Variants in ROBO1 observed in about 807,000 individuals in gnomAD.
The protein encoded by ROBO1 is roundabout guidance receptor 1, also known as roundabout homolog 1.
ROBO1 carries 149 observed loss-of-function variants against 195.9 expected under a neutral mutation model. The ratio of observed to expected loss-of-function variants is 0.76; its 90% CI spans 0.67 to 0.87. The LOEUF is 0.87. Among genes scored for constraint, ROBO1 ranks in the 40% least tolerant of loss-of-function variants. ROBO1 has a pLI of 0.00. For synonymous variants in ROBO1, 816 were observed against 733.2 expected (o/e 1.11, Z -1.82); for missense variants, 1,933 against 2,068.3 (o/e 0.93, Z 1.27).
intron 10 of ROBO1, among the ~76,000 whole-genome samples, chr3:78,682,662 T>C (rs1168283063): frequency 6.8e-6 from 1 of 147,568 alleles, no homozygotes; most frequent in African/African-American, 2.5e-5. Context: ...ACTGTGTATA[T>C]ATACGTATAT....
At chr3:79,387,185 G>A (rs1369159222) in intron 2 of ROBO1, among the ~76,000 whole-genome samples, 2 of 152,064 alleles carry the variant, frequency 1.3e-5, no homozygotes, top group African/African-American at 4.8e-5. Flanking sequence ...AAAATGGCAT[G>A]TGCATGAAAA....
At chr3:78,770,253 T>C (rs980814385) in intron 4 of ROBO1, among the ~76,000 whole-genome samples, 1 of 152,184 alleles carries the variant, frequency 6.6e-6, no homozygotes, top group African/African-American at 2.4e-5. Context: ...CCCAGACTTC[T>C]AGTATTTCCT....
At chr3:79,604,443 T>C (rs1049966587) in intron 1 of ROBO1, among the ~76,000 whole-genome samples, 65 of 152,216 alleles carry the variant, frequency 4.3e-4, no homozygotes, top group Admixed American at 3.9e-3. Context: ...ATTTTAGTAA[T>C]TACAGGATCA....
chr3:79,074,602 A>ATTG lies in ROBO1; in HGVS notation c.172+50853_172+50854insCAA, dbSNP rs1360049261. 4.0e-5 allele frequency among the ~76,000 whole-genome samples: 6 copies of ATTG among 151,202 alleles called. No homozygotes were observed. In the Admixed American group the frequency reaches 4.0e-4, roughly 10 times the overall value. On this transcript the variant is annotated intron_variant, in intron 3 of 30. Transcript: ENST00000464233. ...TCAGCTCATTATTATTATTATTATT[A>ATTG]TTATATTGAAGAGACAGGGTCTCCC...
At chr3:79,338,384 C>T (rs2034769447) in intron 2 of ROBO1, among the ~76,000 whole-genome samples, 1 of 152,110 alleles carries the variant, frequency 6.6e-6, no homozygotes, top group Non-Finnish European at 1.5e-5. Flanking sequence ...TGCCTATTTG[C>T]CCACTGAATG....
rs145306872 is a variant in ROBO1 at position 79,016,346 on chromosome 3, A to C, written c.173-77419T>G. On this transcript the variant is annotated intron_variant, in intron 3 of 30. Transcript: ENST00000464233. Reference sequence around the variant, plus strand: ...TTAGAAAGAAGCTTTTGTCCTGAAAAGTGGCAAAGCAGATAGGCACACCTA... The same window carrying C: ...TTAGAAAGAAGCTTTTGTCCTGAAACGTGGCAAAGCAGATAGGCACACCTA... Among the ~76,000 whole-genome samples the C allele has an allele frequency of 1.3e-3, 200 of 152,314 alleles. 1 individual carries two copies. The highest frequency in any genetic ancestry group is 4.6e-3 in the African/African-American group (190 of 41,564).
At chr3:78,718,030 T>G (rs2081946273) in intron 5 of ROBO1, 147 bp from the exon 6 acceptor site, 1 of 745,764 alleles carries the variant, frequency 1.3e-6, no homozygotes, top group African/African-American at 1.8e-5. Flanking sequence ...TTTGCTATTT[T>G]TAGGTAGTAC....
At chr3:79,022,418 A>G (rs1400768367) in intron 3 of ROBO1, among the ~76,000 whole-genome samples, 1 of 152,226 alleles carries the variant, frequency 6.6e-6, no homozygotes, top group Non-Finnish European at 1.5e-5. Flanking sequence ...AGTGCCATTC[A>G]GGTTAAATGA....
At chr3:79,229,100 G>A (rs2082276709) in intron 2 of ROBO1, among the ~76,000 whole-genome samples, 2 of 152,030 alleles carry the variant, frequency 1.3e-5, no homozygotes, top group South Asian at 4.1e-4. Context: ...TATATTCTGT[G>A]CAAAAAGTTA....
At chr3:78,994,464 A>G (rs2077313240) in intron 3 of ROBO1, among the ~76,000 whole-genome samples, 1 of 152,182 alleles carries the variant, frequency 6.6e-6, no homozygotes, top group Non-Finnish European at 1.5e-5. Flanking sequence ...TGTTGATGCC[A>G]TTTGTTAGGA....
intron 2 of ROBO1, among the ~76,000 whole-genome samples, chr3:79,580,456 T>G (rs930240150): frequency 6.6e-6 from 1 of 152,030 alleles, no homozygotes; most frequent in Non-Finnish European, 1.5e-5. Context: ...CACTCCAGCC[T>G]GGGCAACAGA....
intron 3 of ROBO1, among the ~76,000 whole-genome samples, chr3:79,005,256 G>A (rs12639099): frequency 1.3e-5 from 2 of 152,110 alleles, no homozygotes; most frequent in Non-Finnish European, 2.9e-5. Flanking sequence ...CCACTCAGAC[G>A]TTATTCCCTT....
intron 3 of ROBO1, among the ~76,000 whole-genome samples, chr3:79,063,848 A>T (rs1438730492): frequency 1.3e-5 from 2 of 152,002 alleles, no homozygotes; most frequent in African/African-American, 4.8e-5. Flanking sequence ...ACAAAAAGAC[A>T]GACATCACTT....
intron 2 of ROBO1, among the ~76,000 whole-genome samples, chr3:79,402,331 T>C (rs770503734): frequency 7.2e-5 from 11 of 151,944 alleles, no homozygotes; most frequent in Non-Finnish European, 1.0e-4. Flanking sequence ...CATATCATCA[T>C]TCTTTCATTG....
intron 2 of ROBO1, among the ~76,000 whole-genome samples, chr3:79,485,100 T>C (rs777333514): frequency 6.6e-6 from 1 of 152,064 alleles, no homozygotes; most frequent in Non-Finnish European, 1.5e-5. Flanking sequence ...AGGGAGGAGA[T>C]TTTCCTATAT....
intron 3 of ROBO1, among the ~76,000 whole-genome samples, chr3:79,102,732 A>C (rs2079701029): frequency 6.6e-6 from 1 of 151,858 alleles, no homozygotes; most frequent in Admixed American, 6.6e-5. Flanking sequence ...ACTGAATAAA[A>C]GTCACTAAAG....
At chr3:79,289,003 T>C (rs933836311) in intron 2 of ROBO1, among the ~76,000 whole-genome samples, 4 of 152,158 alleles carry the variant, frequency 2.6e-5, no homozygotes, top group Non-Finnish European at 2.9e-5. Flanking sequence ...CAACATGTCT[T>C]TCAATGAAAT....
At chr3:78,631,614 T>C (rs1705194078) in intron 24 of ROBO1, among the ~76,000 whole-genome samples, 1 of 152,212 alleles carries the variant, frequency 6.6e-6, no homozygotes, top group East Asian at 1.9e-4. Context: ...ACAAATGAGC[T>C]GTAGATATAT....
At chr3:78,810,504 CA>C (rs2108624309) in intron 4 of ROBO1, among the ~76,000 whole-genome samples, 1 of 152,054 alleles carries the variant, frequency 6.6e-6, no homozygotes, top group East Asian at 1.9e-4. Flanking sequence ...ATTGCTGAAG[CA>C]AAAAATGAAG....
Sources: allele counts gnomAD v4.1 joint callset (sites outside exome capture counted in the v4.1 genomes callset), GRCh38; gene constraint gnomAD v4.1.1; transcripts MANE v1.5; gene names NCBI Gene and HGNC (gene_info 2026-07-23, HGNC 2026-07-21).